The following BRF2 variants were observed in gnomAD, a reference collection of about 807,000 sequenced individuals.
BRF2 encodes transcription factor IIIB 50 kDa subunit.
Under a neutral mutation model 26.6 loss-of-function variants are expected in BRF2, and 17 were observed. The ratio of observed to expected loss-of-function variants is 0.64; its 90% CI spans 0.44 to 0.96. BRF2 has a LOEUF of 0.96. Among genes scored for constraint, BRF2 ranks in the 40% least tolerant of loss-of-function variants. The pLI is 0.00. For missense variants in BRF2, 515 were observed against 537.0 expected, an observed-to-expected ratio of 0.96 and a Z score of 0.40; for synonymous variants, 219 against 226.6, an observed-to-expected ratio of 0.97 and a Z score of 0.30.
At chr8:37,848,519 T>C (rs1241785130) in intron 2 of BRF2, 77 bp downstream of exon 2, 7 of 1,368,158 alleles carry the variant, frequency 5.1e-6, no homozygotes, top group Non-Finnish European at 7.3e-6. Flanking sequence ...AGTGCTGGGA[T>C]TACAGGCGTG....
At chr8:37,848,973 A>G (rs1413042109) in intron 1 of BRF2, among the ~76,000 whole-genome samples, 1 of 152,242 alleles carries the variant, frequency 6.6e-6, no homozygotes, top group African/African-American at 2.4e-5. Context: ...TCCAGGCTGG[A>G]GCACAGTGGT....
At chr8:37,845,702 T>C (rs144340258) in intron 3 of BRF2, 1 of 700,542 alleles carries the variant, frequency 1.4e-6, no homozygotes, top group East Asian at 2.7e-5. Context: ...TTTGGGAGGA[T>C]CAGGTGGGCA....
At position 37,847,221 on chromosome 8, in the gene BRF2, C is replaced by G. The variant is rs773710364; in HGVS notation, c.215-46G>C. 6 of 1,557,798 alleles carry G rather than the reference C, an allele frequency of 3.9e-6. No homozygotes were observed. In the Admixed American group the frequency reaches 1.0e-4, roughly 26 times the overall value. On this transcript the variant is annotated intron_variant, in intron 2 of 3. Coordinates refer to ENST00000220659, the MANE Select transcript of BRF2 (RefSeq NM_018310.4). Reference sequence around the variant, plus strand: ...GAGTTAGAGGGGTCAAAGGAGCTATCGTGCAACTCCTAGAAAATTCTGCTA... The same window carrying G: ...GAGTTAGAGGGGTCAAAGGAGCTATGGTGCAACTCCTAGAAAATTCTGCTA...
At chr8:37,847,416 G>A (rs1162175218) in intron 2 of BRF2, 2 of 628,296 alleles carry the variant, frequency 3.2e-6, no homozygotes, top group African/African-American at 3.6e-5. Context: ...TTTGATTCAG[G>A]GCCAAGCCCA....
chr8:37,846,296 C>T (rs1380178902), intron 3 of BRF2, among the ~76,000 whole-genome samples: 3 of 150,356 alleles, frequency 2.0e-5, no homozygotes, highest in Admixed American at 1.3e-4. Flanking sequence ...TGCCGTGAGC[C>T]GAAATCATGC....
chr8:37,843,769 CCA>C lies in BRF2; in HGVS notation c.*719_*720del, dbSNP rs1805889622. ...AAAAAAAAAGCTTTGTATTATTCTT[CCA>C]CATATGCTGGCTGCTGTTTACACAC... is the stretch of plus-strand genomic sequence containing the variant. On this transcript the variant is annotated 3_prime_UTR_variant, in exon 4 of 4. Coordinates refer to ENST00000220659, the MANE Select transcript of BRF2 (RefSeq NM_018310.4). 6.6e-6 allele frequency: 1 copy of C among 152,522 alleles called. No homozygotes were observed. The highest frequency in any genetic ancestry group is 1.5e-5 in the Non-Finnish European group (1 of 68,032). 9.4% of individuals were successfully genotyped at this position (152,522 alleles called of 1,614,324 possible).
chr8:37,846,167 G>A (rs1424475184), intron 3 of BRF2, among the ~76,000 whole-genome samples: 3 of 151,886 alleles, frequency 2.0e-5, no homozygotes, highest in Admixed American at 6.6e-5. Flanking sequence ...TGGGCAACAT[G>A]GCGAAACCCC....
chr8:37,846,289 C>T (rs1805955140), intron 3 of BRF2, among the ~76,000 whole-genome samples: 1 of 150,144 alleles, frequency 6.7e-6, no homozygotes, highest in Non-Finnish European at 1.5e-5. Flanking sequence ...TGGAGGTTGC[C>T]GTGAGCCGAA....
At chr8:37,846,206 G>C (rs1805953785) in intron 3 of BRF2, among the ~76,000 whole-genome samples, 1 of 151,932 alleles carries the variant, frequency 6.6e-6, no homozygotes, top group South Asian at 2.1e-4. Context: ...AAATTAGCCA[G>C]GCATGGTGGC....
In BRF2 at chr8:37,844,211, C is replaced by T; in HGVS notation, c.*279G>A. On this transcript the variant is annotated 3_prime_UTR_variant, in exon 4 of 4. Transcript: ENST00000220659. Reference sequence around the variant, plus strand: ...TTCAAACCAGCAGCAAAGAGCCTGACATTTTCCCATCCATCTATGAGGAAA... The same window carrying T: ...TTCAAACCAGCAGCAAAGAGCCTGATATTTTCCCATCCATCTATGAGGAAA... The T allele has an allele frequency of 2.3e-6, 1 of 438,062 alleles. No homozygotes were observed. Among genetic ancestry groups the T allele is most frequent in the Non-Finnish European group, 4.1e-6 (1 of 241,892 alleles). The allele number at this position is 438,062 out of a possible 1,614,324, so 27.1% of individuals were successfully genotyped here. A position where few individuals can be genotyped will look rare whatever the true frequency, so the allele number is the denominator to read the frequency against.
chr8:37,845,968 G>T (rs1805948903), intron 3 of BRF2, among the ~76,000 whole-genome samples: 1 of 152,180 alleles, frequency 6.6e-6, no homozygotes, highest in Admixed American at 6.5e-5. Context: ...AAACATGAGT[G>T]GTGCAACTCA....
At chr8:37,847,961 A>ATTATTT (rs1166600211) in intron 2 of BRF2, among the ~76,000 whole-genome samples, 2 of 137,620 alleles carry the variant, frequency 1.5e-5, no homozygotes, top group South Asian at 2.3e-4. Flanking sequence ...TATTATTATT[A>ATTATTT]TTTTTTGAGA....
At position 37,843,671 on chromosome 8, in the gene BRF2, A is replaced by AG. The variant is rs1805885140; in HGVS notation, c.*818dup. On this transcript the variant is annotated 3_prime_UTR_variant, in exon 4 of 4. Coordinates refer to ENST00000220659, the MANE Select transcript of BRF2 (RefSeq NM_018310.4). Reference sequence around the variant, plus strand: ...ACCAAGGTGACAGAGGACACAGGGGAGGGGGAAAACCCACACACACTCCTT... The same window carrying AG: ...ACCAAGGTGACAGAGGACACAGGGGAGGGGGGAAAACCCACACACACTCCTT... 6.6e-6 allele frequency: 1 copy of AG among 152,322 alleles called. No homozygotes were observed. Among genetic ancestry groups the AG allele is most frequent in the Non-Finnish European group, 1.5e-5 (1 of 68,016 alleles). 9.4% of individuals were successfully genotyped at this position (152,322 alleles called of 1,614,324 possible).
chr8:37,845,295 T>C (rs1208177787), intron 3 of BRF2, 82 bp from the exon 4 acceptor site: 18 of 1,101,020 alleles, frequency 1.6e-5, no homozygotes, highest in Non-Finnish European at 2.3e-5. Context: ...CCACTCAAGA[T>C]GGGGAAGCTA....
chr8:37,848,745 A>T, intron 1 of BRF2, 90 bp from the exon 2 acceptor site: 1 of 1,063,982 alleles, frequency 9.4e-7, no homozygotes. Flanking sequence ...CGCAAAATTC[A>T]AATCATTGAG....
Position 37,844,820 on chromosome 8 carries a change from AGAGCG to A in BRF2, c.925_929del (p.Arg309CysfsTer31), listed in dbSNP as rs1410061488. ...CTTCTGCTGTCCCATCCCGAAAGGC[AGAGCG>A]GACCAGTGACTGGCGGTGCTGGAGA... On this transcript the variant is annotated frameshift_variant, in exon 4 of 4. Transcript: ENST00000220659. LOFTEE classifies it low-confidence loss of function (END_TRUNC). The A allele has an allele frequency of 1.1e-5, 17 of 1,614,142 alleles. No individual in the cohort carries two copies. Among genetic ancestry groups the A allele is most frequent in the Non-Finnish European group, 1.4e-5 (17 of 1,180,008 alleles).
Position 37,849,733 on chromosome 8 carries a change from T to G in BRF2, c.51A>C (p.Glu17Asp). ...CPDCGSTELVEDSHYSQSQLV... is the reference protein window; with the variant it reads ...CPDCGSTELVDDSHYSQSQLV... ...GCTGGCTCTGCGAATAGTGCGAGTC[T>G]TCCACCAGCTCCGTGGAGCCGCAGT... The change falls in exon 1 of 4, where the codon GAA (glutamate) becomes GAC (aspartate). Residue 17 changes from glutamate to aspartate, a missense_variant. Glu to Asp is a conservative substitution (Grantham distance 45). Transcript: ENST00000220659. The G allele has an allele frequency of 6.2e-7, 1 of 1,613,464 alleles. No individual in the cohort carries two copies. The highest frequency in any genetic ancestry group is 8.5e-7 in the Non-Finnish European group (1 of 1,179,966).
At position 37,847,008 on chromosome 8, in the gene BRF2, G is replaced by A. The variant is rs779041097; in HGVS notation, c.382C>T (p.Gln128Ter). ...VGCCVLITCRQHNWPLTMGAI... is the reference protein window; with the variant it reads ...VGCCVLITCR ...CCCATTGTTAGGGGCCAGTTATGCT[G>A]TCGGCAGGTGATTAAGACGCAGCAC... The change falls in exon 3 of 4, where the codon CAG becomes TAG. Residue 128 changes from glutamine to a stop codon, truncating the protein, a stop_gained. Transcript: ENST00000220659. LOFTEE classifies it high-confidence loss of function. 2 of 1,614,212 alleles carry A rather than the reference G, an allele frequency of 1.2e-6. No individual in the cohort carries two copies. Among genetic ancestry groups the A allele is most frequent in the South Asian group, 2.2e-5 (2 of 91,084 alleles).
chr8:37,848,611 G>C lies in BRF2; in HGVS notation c.199C>G (p.Arg67Gly). 1 of 1,614,070 alleles carries C rather than the reference G, an allele frequency of 6.2e-7. No individual in the cohort carries two copies. Among genetic ancestry groups the C allele is most frequent in the Non-Finnish European group, 8.5e-7 (1 of 1,179,956 alleles). Residue 67 changes from arginine to glycine, a missense_variant, in exon 2 of 4, where the codon CGC becomes GGC. By Grantham distance (125) the Arg-to-Gly change is moderately radical (BLOSUM62 -2). Transcript: ENST00000220659. ...CAATTCTCACCTCGTTGCTGGCTGC[G>C]ACTAACTTGTTCGTTTTCCCCTGTG... ...RSTGENEQVSRSQQRGLRRVR... is the reference protein window; with the variant it reads ...RSTGENEQVSGSQQRGLRRVR...
Sources: allele counts gnomAD v4.1 joint callset (sites outside exome capture counted in the v4.1 genomes callset), GRCh38; gene constraint gnomAD v4.1.1; transcripts MANE v1.5; gene names NCBI Gene and HGNC (gene_info 2026-07-23, HGNC 2026-07-21).